Variants in ZSCAN22 observed in about 807,000 individuals in gnomAD.
ZSCAN22 encodes zinc finger and SCAN domain containing 22.
In ZSCAN22, 7 loss-of-function variants were observed where a neutral mutation model predicts 12.4. That is an observed-to-expected ratio of 0.57 (90% CI 0.32 to 1.06). ZSCAN22 has a LOEUF of 1.06. Among genes scored for constraint, ZSCAN22 ranks in the 50% least tolerant of loss-of-function variants. The probability of loss-of-function intolerance (pLI) is 0.04; values close to 1 mark genes in which losing one functional copy is unlikely to be tolerated. For synonymous variants in ZSCAN22, 243 were observed against 255.9 expected (o/e 0.95, Z 0.48); for missense variants, 576 against 631.7 (o/e 0.91, Z 0.94).
chr19:58,328,030 T>G (rs2051676739), intron 1 of ZSCAN22, among the ~76,000 whole-genome samples: 1 of 152,192 alleles, frequency 6.6e-6, no homozygotes, highest in South Asian at 2.1e-4. Context: ...TTTGTATTTT[T>G]GGTAGAGACG....
chr19:58,328,247 A>G (rs1264839275), intron 1 of ZSCAN22, among the ~76,000 whole-genome samples: 1 of 152,198 alleles, frequency 6.6e-6, no homozygotes, highest in Non-Finnish European at 1.5e-5. Context: ...ACCTGAGATA[A>G]TATGTGTTAA....
chr19:58,330,271 C>T (rs1473624971), intron 1 of ZSCAN22, among the ~76,000 whole-genome samples: 1 of 152,106 alleles, frequency 6.6e-6, no homozygotes, highest in Non-Finnish European at 1.5e-5. Flanking sequence ...GCCTGGGCGA[C>T]AAAGCAAGAC....
intron 2 of ZSCAN22, among the ~76,000 whole-genome samples, chr19:58,337,858 A>T (rs2051815518): frequency 1.3e-5 from 2 of 152,116 alleles, no homozygotes; most frequent in Non-Finnish European, 2.9e-5. Flanking sequence ...AGTGTGAGGG[A>T]CAGAACTGCA....
At chr19:58,331,564 T>C (rs2051727009) in intron 1 of ZSCAN22, among the ~76,000 whole-genome samples, 1 of 134,186 alleles carries the variant, frequency 7.5e-6, no homozygotes, top group Admixed American at 7.7e-5. Context: ...ATTATTATTA[T>C]TTTGAGATGG....
At chr19:58,327,468 C>G (rs1190385684) in intron 1 of ZSCAN22, among the ~76,000 whole-genome samples, 1 of 152,062 alleles carries the variant, frequency 6.6e-6, no homozygotes. Flanking sequence ...GACTGATTGA[C>G]CGGGTGTGGG....
At chr19:58,330,740 G>A (rs1425043009) in intron 1 of ZSCAN22, among the ~76,000 whole-genome samples, 3 of 152,190 alleles carry the variant, frequency 2.0e-5, no homozygotes, top group Non-Finnish European at 4.4e-5. Context: ...CCTGGTAGCC[G>A]GTAGGTTCCC....
At position 58,338,587 on chromosome 19, in the gene ZSCAN22, A is replaced by G; in HGVS notation, c.737A>G (p.Asp246Gly). Reference protein sequence around the residue: ...LTSQEKPPSEDKFDLVDAYGT... With the variant: ...LTSQEKPPSEGKFDLVDAYGT... The stretch of plus-strand genomic sequence containing the variant: ...TCCCAAGAGAAGCCTCCTTCAGAAG[A>G]CAAATTTGATCTGGTGGATGCTTAT... The change falls in exon 3 of 3, where the codon GAC becomes GGC. Residue 246 changes from aspartate to glycine, a missense_variant. Physicochemically the swap from Asp to Gly is moderately conservative, Grantham distance 94. Transcript: ENST00000329665. The surrounding 1 kb of genome is among the most constrained non-coding windows in gnomAD (Gnocchi z 5.4). The G allele has an allele frequency of 6.2e-7, 1 of 1,614,218 alleles. No individual in the cohort carries two copies. The highest frequency in any genetic ancestry group is 8.5e-7 in the Non-Finnish European group (1 of 1,180,040).
Position 58,331,227 on chromosome 19 carries a change from T to C in ZSCAN22, c.-51-3525T>C, listed in dbSNP as rs187128306. Among the ~76,000 whole-genome samples, 478 of 151,442 alleles carry C rather than the reference T, an allele frequency of 3.2e-3. 6 individuals carry two copies. The highest frequency in any genetic ancestry group is 0.011 in the African/African-American group (447 of 41,264). On this transcript the variant is annotated intron_variant, in intron 1 of 2. Coordinates refer to ENST00000329665, the MANE Select transcript of ZSCAN22 (RefSeq NM_181846.3). Reference sequence around the variant, plus strand: ...ATTATCAAATGCACTTTTTTTTTTTTTTTTTTTGAGACAGAATCTCACTCT... The same window carrying C: ...ATTATCAAATGCACTTTTTTTTTTTCTTTTTTTGAGACAGAATCTCACTCT...
In ZSCAN22 at chr19:58,338,899, A is replaced by G. The variant is rs757142191; in HGVS notation, c.1049A>G (p.Lys350Arg). 2 of 1,613,616 alleles carry G rather than the reference A, an allele frequency of 1.2e-6. No individual in the cohort carries two copies. The highest frequency in any genetic ancestry group is 1.7e-6 in the Non-Finnish European group (2 of 1,179,908). ...TQHQRIHTGE[K>R]PYKCGECGKT... is the part of the protein sequence containing the mutation. ...CACCAAAGGATTCATACTGGAGAGAAACCCTACAAATGTGGGGAATGTGGT... is the reference window on the plus strand; with the variant it reads ...CACCAAAGGATTCATACTGGAGAGAGACCCTACAAATGTGGGGAATGTGGT... The change falls in exon 3 of 3, where the codon AAA becomes AGA. Residue 350 changes from lysine (K) to arginine (R), a missense_variant. By Grantham distance (26) the Lys-to-Arg change is conservative. Transcript: ENST00000329665. This position sits in a 1 kb window ranked among gnomAD's most constrained non-coding sequence, Gnocchi z 5.4.
At chr19:58,336,611 A>T (rs568886546) in intron 2 of ZSCAN22, among the ~76,000 whole-genome samples, 16 of 152,242 alleles carry the variant, frequency 1.1e-4, no homozygotes, top group Admixed American at 2.6e-4. Context: ...TGGAGCTGAA[A>T]TCCCAACTGG....
intron 1 of ZSCAN22, among the ~76,000 whole-genome samples, chr19:58,330,104 C>T (rs1363906231): frequency 1.3e-5 from 2 of 152,016 alleles, no homozygotes; most frequent in South Asian, 2.1e-4. Context: ...GTGGCTAATA[C>T]GGTGAAACCC....
At position 58,329,168 on chromosome 19, in the gene ZSCAN22, G is replaced by A. The variant is rs912057590; in HGVS notation, c.-52+2054G>A. ...ACCCAGGAGAACTTTACAGTGCGGC[G>A]AAGGGGCTTAAACGCAGCTTGGCCA... On this transcript the variant is annotated intron_variant, in intron 1 of 2. Transcript: ENST00000329665. This position sits in a 1 kb window ranked among gnomAD's most constrained non-coding sequence, Gnocchi z 4.1. 1.9e-4 allele frequency among the ~76,000 whole-genome samples: 29 copies of A among 151,954 alleles called. No homozygotes were observed. The highest frequency in any genetic ancestry group is 8.8e-5 in the Non-Finnish European group (6 of 68,034).
chr19:58,330,130 T>C (rs1392893024), intron 1 of ZSCAN22, among the ~76,000 whole-genome samples: 2 of 151,396 alleles, frequency 1.3e-5, no homozygotes, highest in African/African-American at 4.9e-5. Flanking sequence ...CTACTAAAAG[T>C]ACAAAAAAAA....
chr19:58,332,372 C>CAAGA (rs112776667), intron 1 of ZSCAN22, among the ~76,000 whole-genome samples: 141 of 138,182 alleles, frequency 1.0e-3, no homozygotes, highest in African/African-American at 3.6e-3. Flanking sequence ...CTCCCAAGTT[C>CAAGA]AAGAGATTCT....
rs146020373 is a variant in ZSCAN22 at position 58,338,821 on chromosome 19, A to T, written c.971A>T (p.His324Leu). Residue 324 changes from histidine (H) to leucine (L), a missense_variant, in exon 3 of 3, where the codon CAT becomes CTT. By Grantham distance (99) the His-to-Leu change is moderately conservative. Coordinates refer to ENST00000329665, the MANE Select transcript of ZSCAN22 (RefSeq NM_181846.3). The surrounding 1 kb of genome is among the most constrained non-coding windows in gnomAD (Gnocchi z 5.4). ...GTTGTCCACACAGGGGCGAAGCCCC[A>T]TGAGTGTAAGGAATGTGGGAAGGCC... ...HQVVHTGAKPHECKECGKAFS... is the reference protein window; with the variant it reads ...HQVVHTGAKPLECKECGKAFS... The T allele has an allele frequency of 1.9e-6, 3 of 1,613,904 alleles. No individual in the cohort carries two copies. In the African/African-American group the frequency reaches 4.0e-5, roughly 22 times the overall value.
Position 58,340,286 on chromosome 19 carries a change from A to G in ZSCAN22, c.*960A>G, listed in dbSNP as rs2051855513. The stretch of plus-strand genomic sequence containing the variant: ...CCGAGCAACCTCTCCAGTTATCCTC[A>G]TATGCATGTATGAATACTGTCATTT... On this transcript the variant is annotated 3_prime_UTR_variant, in exon 3 of 3. Transcript: ENST00000329665. The G allele has an allele frequency of 6.6e-6, 1 of 152,104 alleles. No individual in the cohort carries two copies. The highest frequency in any genetic ancestry group is 6.6e-5 in the Admixed American group (1 of 15,246). The allele number at this position is 152,104 out of a possible 1,614,324, so 9.4% of individuals were successfully genotyped here.
In ZSCAN22 at chr19:58,339,816, T is replaced by C. The variant is rs568533778; in HGVS notation, c.*490T>C. The C allele has an allele frequency of 1.7e-4, 27 of 155,996 alleles. No individual in the cohort carries two copies. The highest frequency in any genetic ancestry group is 2.4e-4 in the Non-Finnish European group (17 of 70,300). 9.7% of individuals were successfully genotyped at this position (155,996 alleles called of 1,614,324 possible). A position where few individuals can be genotyped will look rare whatever the true frequency, so the allele number is the denominator to read the frequency against. ...ACCTACTATTTCCACTCCAGACTAT[T>C]TTGTGCCTAACTGCAAGGCTGACTT... On this transcript the variant is annotated 3_prime_UTR_variant, in exon 3 of 3. Coordinates refer to ENST00000329665, the MANE Select transcript of ZSCAN22 (RefSeq NM_181846.3). This position sits in a 1 kb window ranked among gnomAD's most constrained non-coding sequence, Gnocchi z 5.6.
At chr19:58,333,944 T>C (rs2147985794) in intron 1 of ZSCAN22, among the ~76,000 whole-genome samples, 1 of 152,376 alleles carries the variant, frequency 6.6e-6, no homozygotes, top group African/African-American at 2.4e-5. Flanking sequence ...AGATACAACA[T>C]ATCAAACTTG....
chr19:58,336,596 C>T (rs1036048436), intron 2 of ZSCAN22, among the ~76,000 whole-genome samples: 2 of 152,154 alleles, frequency 1.3e-5, no homozygotes, highest in African/African-American at 2.4e-5. Context: ...TGGAGGAGAA[C>T]ATTCTGGAGC....
Sources: gnomAD v4.1 joint callset for allele counts (sites outside exome capture counted in the v4.1 genomes callset) on GRCh38, gnomAD v4.1.1 for gene constraint, Gnocchi (gnomAD v3.1) non-coding constraint, MANE v1.5 for transcripts, NCBI Gene and HGNC (gene_info 2026-07-23, HGNC 2026-07-21) for gene names.